Variants in CNBD1 observed in about 807,000 individuals in gnomAD.
The protein encoded by CNBD1 is cyclic nucleotide-binding domain-containing protein 1.
CNBD1 carries 71 observed loss-of-function variants against 54.4 expected under a neutral mutation model. That is an observed-to-expected ratio of 1.30 (90% CI 1.08 to 1.59). The LOEUF is 1.59. Among genes scored for constraint, CNBD1 ranks in the 40% most tolerant of loss-of-function variants. The pLI, the probability that CNBD1 is intolerant of heterozygous loss-of-function variation, is 0.00. For synonymous variants in CNBD1, 182 were observed against 170.7 expected, an observed-to-expected ratio of 1.07 and a Z score of -0.51; for missense variants, 659 against 518.0, an observed-to-expected ratio of 1.27 and a Z score of -2.64.
intron 4 of CNBD1, among the ~76,000 whole-genome samples, chr8:86,978,701 C>T (rs1808400764): frequency 6.6e-6 from 1 of 151,112 alleles, no homozygotes; most frequent in African/African-American, 2.4e-5. Flanking sequence ...CTCCAACACG[C>T]CTGGCTAATT....
At chr8:87,034,965 C>T (rs16896384) in intron 4 of CNBD1, among the ~76,000 whole-genome samples, 4,572 of 151,796 alleles carry the variant, frequency 0.03, 236 homozygotes, top group African/African-American at 0.1. Context: ...GGAATTTATG[C>T]GGATTTTTTA....
At chr8:87,054,500 C>A (rs1810374230) in intron 4 of CNBD1, among the ~76,000 whole-genome samples, 1 of 152,194 alleles carries the variant, frequency 6.6e-6, no homozygotes, top group Non-Finnish European at 1.5e-5. Context: ...GACAGCAATT[C>A]CTTGAAATAC....
At chr8:87,225,904 GC>G (rs2130814078) in intron 5 of CNBD1, among the ~76,000 whole-genome samples, 1 of 149,516 alleles carries the variant, frequency 6.7e-6, no homozygotes, top group African/African-American at 2.5e-5. Context: ...ATTGATTATT[GC>G]CACAATTTCA....
intron 4 of CNBD1, among the ~76,000 whole-genome samples, chr8:87,021,640 AAGG>A (rs1809490379): frequency 6.6e-6 from 1 of 152,218 alleles, no homozygotes; most frequent in East Asian, 1.9e-4. Context: ...TGTTTGCACA[AAGG>A]AGAAGTTCCC....
chr8:86,962,794 C>A (rs6468585), intron 4 of CNBD1, among the ~76,000 whole-genome samples: 140,710 of 151,172 alleles, frequency 0.93, 65,463 homozygotes, highest in East Asian at 1. Flanking sequence ...TCAAAAAAAA[C>A]ACAAAAAACA....
At chr8:87,069,165 C>CT (rs1436537689) in intron 4 of CNBD1, among the ~76,000 whole-genome samples, 2 of 151,956 alleles carry the variant, frequency 1.3e-5, no homozygotes, top group Admixed American at 6.6e-5. Flanking sequence ...TTTTGTATTA[C>CT]TTGATAGCTT....
At position 87,003,520 on chromosome 8, in the gene CNBD1, G is replaced by T. The variant is rs1216864495; in HGVS notation, c.431+63766G>T. On this transcript the variant is annotated intron_variant, in intron 4 of 10. Transcript: ENST00000518476. ...ATGTTACTTAAATATTGTGAATTTT[G>T]TCAGTCCTTCTTTGTCAAGTAGGAG... 4.6e-5 allele frequency among the ~76,000 whole-genome samples: 7 copies of T among 152,162 alleles called. No individual in the cohort carries two copies. In the East Asian group the frequency reaches 1.2e-3, roughly 25 times the overall value.
intron 8 of CNBD1, among the ~76,000 whole-genome samples, chr8:87,310,074 G>A (rs910195774): frequency 6.6e-6 from 1 of 152,092 alleles, no homozygotes; most frequent in Non-Finnish European, 1.5e-5. Flanking sequence ...TGCAATCCCA[G>A]ACAGATATGG....
chr8:87,354,928 G>A (rs1810392731), intron 10 of CNBD1, among the ~76,000 whole-genome samples: 1 of 152,096 alleles, frequency 6.6e-6, no homozygotes, highest in Admixed American at 6.6e-5. Context: ...CCCAGTAATG[G>A]GATGGCTGGG....
chr8:86,987,073 T>C (rs1179329524), intron 4 of CNBD1, among the ~76,000 whole-genome samples: 3 of 152,194 alleles, frequency 2.0e-5, no homozygotes, highest in Admixed American at 6.6e-5. Flanking sequence ...TTGACAGGAA[T>C]AGCATTGAAT....
intron 2 of CNBD1, among the ~76,000 whole-genome samples, chr8:87,399,883 T>C (rs1452987895): frequency 6.6e-6 from 1 of 151,974 alleles, no homozygotes; most frequent in Non-Finnish European, 1.5e-5. Flanking sequence ...ATTAATTATT[T>C]ACATCAGATC....
chr8:87,225,702 T>C (rs1490123398), intron 5 of CNBD1, among the ~76,000 whole-genome samples: 2 of 152,062 alleles, frequency 1.3e-5, no homozygotes, highest in African/African-American at 2.4e-5. Flanking sequence ...TAAAATTCTC[T>C]TTTTTGGTTG....
At chr8:86,984,111 C>G (rs1443692651) in intron 4 of CNBD1, among the ~76,000 whole-genome samples, 1 of 152,144 alleles carries the variant, frequency 6.6e-6, no homozygotes, top group Non-Finnish European at 1.5e-5. Flanking sequence ...CACCCTGCAT[C>G]CCAGCCTCTC....
chr8:87,055,389 A>G (rs898898977), intron 4 of CNBD1, among the ~76,000 whole-genome samples: 8 of 152,172 alleles, frequency 5.3e-5, no homozygotes, highest in African/African-American at 9.7e-5. Context: ...GGCACAAAGC[A>G]TAGCTTCTCT....
At chr8:87,224,892 ATTTG>A (rs1369959703) in intron 5 of CNBD1, among the ~76,000 whole-genome samples, 2 of 152,014 alleles carry the variant, frequency 1.3e-5, no homozygotes, top group Non-Finnish European at 2.9e-5. Context: ...ATGTTCTTCC[ATTTG>A]TTTGTATCCT....
chr8:87,315,368 T>A (rs1351643361), intron 8 of CNBD1, among the ~76,000 whole-genome samples: 1 of 152,076 alleles, frequency 6.6e-6, no homozygotes, highest in Non-Finnish European at 1.5e-5. Flanking sequence ...GCTAGGTAAT[T>A]TATTTTAAAA....
intron 4 of CNBD1, among the ~76,000 whole-genome samples, chr8:87,065,215 C>T (rs531138709): frequency 8.2e-4 from 125 of 152,034 alleles, no homozygotes; most frequent in African/African-American, 2.8e-3. Context: ...TATTTTACAG[C>T]ATATGTCTGT....
chr8:87,135,753 G>T (rs1023580454), intron 4 of CNBD1, among the ~76,000 whole-genome samples: 5 of 148,060 alleles, frequency 3.4e-5, no homozygotes, highest in South Asian at 2.2e-4. Context: ...TAATATAGTG[G>T]ATATAATATA....
intron 4 of CNBD1, among the ~76,000 whole-genome samples, chr8:87,123,737 T>A (rs957495153): frequency 4.0e-5 from 6 of 151,726 alleles, no homozygotes; most frequent in Admixed American, 2.6e-4. Flanking sequence ...GTTGGTTTTT[T>A]GAAAAGGTAA....
Sources: gnomAD v4.1 joint callset for allele counts (sites outside exome capture counted in the v4.1 genomes callset) on GRCh38, gnomAD v4.1.1 for gene constraint, MANE v1.5 for transcripts, NCBI Gene and HGNC (gene_info 2026-07-23, HGNC 2026-07-21) for gene names.